Variants in CHIC1 observed in about 807,000 individuals in gnomAD.
The protein encoded by CHIC1 is cysteine-rich hydrophobic domain-containing protein 1.
A neutral mutation model predicts 18.5 loss-of-function variants in CHIC1; 7 were observed. The ratio of observed to expected loss-of-function variants is 0.38; its 90% CI spans 0.22 to 0.71. The LOEUF is 0.71. Among genes scored for constraint, CHIC1 ranks in the 30% least tolerant of loss-of-function variants. The pLI is 0.49. For missense variants in CHIC1, 159 were observed against 176.9 expected (o/e 0.90, Z 0.57); for synonymous variants, 77 against 73.5 (o/e 1.05, Z -0.25).
intron 3 of CHIC1, among the ~76,000 whole-genome samples, chrX:73,677,445 C>T (rs1315862230): frequency 9.0e-6 from 1 of 111,703 alleles, no homozygotes; most frequent in Non-Finnish European, 1.9e-5. Flanking sequence ...ATGGCAGGCA[C>T]CCCTCCCCCA....
chrX:73,577,326 G>C, intron 1 of CHIC1, 81 bp from the exon 2 acceptor site: 1 of 750,055 alleles, frequency 1.3e-6, no homozygotes, highest in East Asian at 3.4e-5. Context: ...AAAATGCATG[G>C]GTTTATAACT....
At chrX:73,645,479 C>T (rs780286413) in intron 3 of CHIC1, among the ~76,000 whole-genome samples, 1 of 111,975 alleles carries the variant, frequency 8.9e-6, no homozygotes, top group South Asian at 3.7e-4. Flanking sequence ...TTTTGAGGAA[C>T]ATCCATACTG....
At chrX:73,593,559 G>A (rs979275758) in intron 3 of CHIC1, among the ~76,000 whole-genome samples, 6 of 111,626 alleles carry the variant, frequency 5.4e-5, no homozygotes, top group Admixed American at 1.9e-4. Context: ...TGTGTCATAG[G>A]TTTGGTCTAT....
intron 3 of CHIC1, among the ~76,000 whole-genome samples, chrX:73,659,158 C>T (rs1055959013): frequency 3.6e-5 from 4 of 111,841 alleles, no homozygotes; most frequent in African/African-American, 1.3e-4. Flanking sequence ...AGGCCAGGTT[C>T]CAAGGCCTAA....
intron 3 of CHIC1, among the ~76,000 whole-genome samples, chrX:73,652,533 C>G (rs1205687859): frequency 9.0e-6 from 1 of 111,658 alleles, no homozygotes; most frequent in Non-Finnish European, 1.9e-5. Context: ...CTTAAATTTA[C>G]AAGATAAAAA....
chrX:73,598,552 G>A (rs375519614), intron 3 of CHIC1, among the ~76,000 whole-genome samples: 2 of 93,858 alleles, frequency 2.1e-5, no homozygotes, highest in African/African-American at 4.1e-5. Context: ...TCATTGTTCA[G>A]TTCCCACCTA....
intron 3 of CHIC1, among the ~76,000 whole-genome samples, chrX:73,650,438 C>A (rs959931056): frequency 4.6e-5 from 5 of 107,565 alleles, no homozygotes; most frequent in Non-Finnish European, 7.8e-5. Context: ...GGTAGCTAGA[C>A]TAATAAGGAA....
At chrX:73,655,505 T>C (rs183936735) in intron 3 of CHIC1, among the ~76,000 whole-genome samples, 4 of 81,651 alleles carry the variant, frequency 4.9e-5, no homozygotes, top group Admixed American at 1.4e-4. Context: ...TATATATATA[T>C]ACATATATAC....
intron 3 of CHIC1, among the ~76,000 whole-genome samples, chrX:73,609,104 G>T (rs752438980): frequency 9.6e-6 from 1 of 104,304 alleles, no homozygotes; most frequent in Non-Finnish European, 1.9e-5. Flanking sequence ...GCAGTCAGCC[G>T]AGATTGCACC....
chrX:73,638,928 G>C (rs2057842782), intron 3 of CHIC1, among the ~76,000 whole-genome samples: 2 of 111,968 alleles, frequency 1.8e-5, no homozygotes, highest in Non-Finnish European at 3.8e-5. Context: ...GTCTACTGTT[G>C]ATGGGCATTT....
At chrX:73,615,484 C>G (rs1322510672) in intron 3 of CHIC1, among the ~76,000 whole-genome samples, 3 of 112,020 alleles carry the variant, frequency 2.7e-5, no homozygotes, top group Non-Finnish European at 3.8e-5. Flanking sequence ...AGTGCCTGCA[C>G]TGGGCTGAGC....
intron 5 of CHIC1, 81 bp from the exon 6 acceptor site, chrX:73,680,874 G>T: frequency 2.0e-6 from 1 of 509,106 alleles, no homozygotes; most frequent in Admixed American, 3.7e-5. Context: ...TATGAAAAAT[G>T]ATTATAGACT....
rs2058124452 is a variant in CHIC1, at chrX:73,686,801, T to A, written c.*5796T>A. 9.0e-6 allele frequency: 1 copy of A among 111,567 alleles called. No individual in the cohort carries two copies. The highest frequency in any genetic ancestry group is 3.3e-5 in the African/African-American group (1 of 30,760). The allele number at this position is 111,567 out of a possible 1,213,427, so 9.2% of individuals were successfully genotyped here. ...TGGAGAAGCCTAGGATTTCAACTTTTTGTCAGAGGATTCCTGTTGGGACAG... is the reference window on the plus strand; with the variant it reads ...TGGAGAAGCCTAGGATTTCAACTTTATGTCAGAGGATTCCTGTTGGGACAG... On this transcript the variant is annotated 3_prime_UTR_variant, in exon 6 of 6. Transcript: ENST00000373502.
Position 73,681,147 on chromosome X carries a change from G to T in CHIC1, c.*142G>T. ...ATATTCTTCTCGCTCTTTTGTGTTG[G>T]TTTATGAAGAAAATTTGCACATCTT... On this transcript the variant is annotated 3_prime_UTR_variant, in exon 6 of 6. Transcript: ENST00000373502. 1 of 434,656 alleles carries T rather than the reference G, an allele frequency of 2.3e-6. No individual in the cohort carries two copies. Among genetic ancestry groups the T allele is most frequent in the Non-Finnish European group, 3.9e-6 (1 of 253,770 alleles). The allele number at this position is 434,656 out of a possible 1,213,427, so 35.8% of individuals were successfully genotyped here. A position where few individuals can be genotyped will look rare whatever the true frequency, so the allele number is the denominator to read the frequency against.
chrX:73,616,986 A>C (rs943352872), intron 3 of CHIC1, among the ~76,000 whole-genome samples: 1 of 112,287 alleles, frequency 8.9e-6, no homozygotes, highest in African/African-American at 3.2e-5. Context: ...CTTCTGAGAA[A>C]ATGTGTTTTA....
At chrX:73,662,547 G>A (rs1280040231) in intron 3 of CHIC1, among the ~76,000 whole-genome samples, 1 of 105,373 alleles carries the variant, frequency 9.5e-6, no homozygotes, top group Non-Finnish European at 1.9e-5. Context: ...GTCTAGGGCA[G>A]CATCACCCTT....
At chrX:73,634,330 G>A (rs142653682) in intron 3 of CHIC1, among the ~76,000 whole-genome samples, 1 of 112,930 alleles carries the variant, frequency 8.9e-6, no homozygotes, top group African/African-American at 3.2e-5. Flanking sequence ...GTCAAGCCAG[G>A]TATGGTGATA....
intron 3 of CHIC1, among the ~76,000 whole-genome samples, chrX:73,668,588 G>A (rs2058015481): frequency 9.0e-6 from 1 of 111,283 alleles, no homozygotes; most frequent in African/African-American, 3.3e-5. Context: ...TGACAGTCTG[G>A]CCTCTGTTCC....
rs996465612 is a variant in CHIC1, at chrX:73,682,270, T to G, written c.*1265T>G. The G allele has an allele frequency of 8.9e-6, 1 of 111,975 alleles. No homozygotes were observed. Among genetic ancestry groups the G allele is most frequent in the Non-Finnish European group, 1.9e-5 (1 of 52,937 alleles). The allele number at this position is 111,975 out of a possible 1,213,427, so 9.2% of individuals were successfully genotyped here. On this transcript the variant is annotated 3_prime_UTR_variant, in exon 6 of 6. Transcript: ENST00000373502. ...CAGCACATATGTAACATTTATTTGG[T>G]CCATATTTCTCTATTTTTCTTCACA...
Sources: allele counts gnomAD v4.1 joint callset (sites outside exome capture counted in the v4.1 genomes callset), GRCh38; gene constraint gnomAD v4.1.1; transcripts MANE v1.5; gene names NCBI Gene and HGNC (gene_info 2026-07-23, HGNC 2026-07-21).